NOTCH2: variants seen among roughly 807,000 people sequenced by gnomAD.
NOTCH2 encodes neurogenic locus notch homolog protein 2.
Under a neutral mutation model 235.8 loss-of-function variants are expected in NOTCH2, and 29 were observed. The ratio of observed to expected loss-of-function variants is 0.12; its 90% CI spans 0.09 to 0.17. The LOEUF is 0.17. NOTCH2 is among the 10% of genes least tolerant of loss of function. The pLI, the probability that NOTCH2 is intolerant of heterozygous loss-of-function variation, is 1.00. For synonymous variants in NOTCH2, 1,086 were observed against 1,141.5 expected (o/e 0.95, Z 0.98); for missense variants, 2,285 against 3,150.2 (o/e 0.73, Z 6.57).
chr1:119,927,254 G>A (rs959047758), intron 23 of NOTCH2, among the ~76,000 whole-genome samples: 5 of 152,172 alleles, frequency 3.3e-5, no homozygotes, highest in African/African-American at 1.2e-4. Context: ...GGCACAGCTG[G>A]GACTCCTGGC....
rs587745324 is a variant in NOTCH2 at position 120,067,629 on chromosome 1, G to A, written c.73+1705C>T. On this transcript the variant is annotated intron_variant, in intron 1 of 33. Coordinates refer to ENST00000256646, the MANE Select transcript of NOTCH2 (RefSeq NM_024408.4). Reference sequence around the variant, plus strand: ...AAGTTATTTACCAAAACAAGTTAATGATAGACCAAGGATTATTACCCTCAG... The same window carrying A: ...AAGTTATTTACCAAAACAAGTTAATAATAGACCAAGGATTATTACCCTCAG... Among the ~76,000 whole-genome samples the A allele has an allele frequency of 3.3e-5, 5 of 152,272 alleles. No homozygotes were observed. The East Asian group carries it at 9.6e-4, about 29-fold the overall frequency.
chr1:120,014,113 CT>C (rs1378332138), intron 2 of NOTCH2, among the ~76,000 whole-genome samples: 8 of 151,858 alleles, frequency 5.3e-5, no homozygotes, highest in Admixed American at 2.0e-4. Flanking sequence ...GTGACTTTTA[CT>C]TACTCTCTCT....
chr1:119,925,017 T>C (rs1649422708), intron 25 of NOTCH2, among the ~76,000 whole-genome samples: 1 of 152,192 alleles, frequency 6.6e-6, no homozygotes, highest in South Asian at 2.1e-4. Flanking sequence ...GAGAGGCTGC[T>C]TGAAGTGGGA....
At chr1:120,006,780 C>T (rs1652993900) in intron 2 of NOTCH2, among the ~76,000 whole-genome samples, 1 of 152,092 alleles carries the variant, frequency 6.6e-6, no homozygotes, top group Non-Finnish European at 1.5e-5. Context: ...TGTGCCCAAG[C>T]CTTGTTGTCC....
intron 2 of NOTCH2, among the ~76,000 whole-genome samples, chr1:120,017,307 T>C (rs1259087256): frequency 6.7e-6 from 1 of 150,138 alleles, no homozygotes; most frequent in African/African-American, 2.5e-5. Flanking sequence ...TTCTCATGGC[T>C]AAGCCCTAAA....
chr1:120,011,913 G>A (rs2101263121), intron 2 of NOTCH2, among the ~76,000 whole-genome samples: 1 of 150,168 alleles, frequency 6.7e-6, no homozygotes, highest in East Asian at 1.9e-4. Flanking sequence ...CTACTCGGGA[G>A]GCTGAGGCAG....
chr1:119,918,286 T>C, intron 32 of NOTCH2, 120 bp downstream of exon 32: 1 of 1,098,450 alleles, frequency 9.1e-7, no homozygotes, highest in Non-Finnish European at 1.4e-6. Flanking sequence ...AATGAAAGAA[T>C]GAGTGAATCT....
chr1:119,946,413 T>C (rs1452904955), intron 17 of NOTCH2, among the ~76,000 whole-genome samples: 2 of 152,066 alleles, frequency 1.3e-5, no homozygotes, highest in Non-Finnish European at 2.9e-5. Flanking sequence ...AACAACATTT[T>C]GGCAAATCAA....
chr1:120,029,104 C>T (rs1174347728), intron 2 of NOTCH2, among the ~76,000 whole-genome samples: 1 of 140,680 alleles, frequency 7.1e-6, no homozygotes, highest in Non-Finnish European at 1.6e-5. Context: ...ACCCAAAGCC[C>T]CTGCTCCCCC....
chr1:119,935,095 A>G lies in NOTCH2; in HGVS notation c.3655+377T>C. On this transcript the variant is annotated intron_variant, in intron 22 of 33. Coordinates refer to ENST00000256646, the MANE Select transcript of NOTCH2 (RefSeq NM_024408.4). ...TATAGAGGTAAGACTTGGCTAATTAAAAAAATACAAAAGCAGGTAAATGTA... is the reference window on the plus strand; with the variant it reads ...TATAGAGGTAAGACTTGGCTAATTAGAAAAATACAAAAGCAGGTAAATGTA... 3 of 984,936 alleles carry G rather than the reference A, an allele frequency of 3.0e-6. No homozygotes were observed. The South Asian group carries it at 1.4e-4, about 46-fold the overall frequency. The allele number at this position is 984,936 out of a possible 1,614,324, so 61.0% of individuals were successfully genotyped here.
In NOTCH2 at chr1:119,968,153, A is replaced by G. The variant is rs1553199936; in HGVS notation, c.1188T>C (p.Asn396=). The G allele has an allele frequency of 2.5e-6, 4 of 1,614,072 alleles. No individual in the cohort carries two copies. In the South Asian group the frequency reaches 4.4e-5, roughly 18 times the overall value. Residue 396 remains asparagine (N), a synonymous_variant, in exon 7 of 34, where the codon AAT becomes AAC. Coordinates refer to ENST00000256646, the MANE Select transcript of NOTCH2 (RefSeq NM_024408.4). ...KGALCDTNPL[N]GQYICTCPQG... is the part of the protein sequence containing the mutation. ...GTGGGCAGGTGCAAATATATTGCCCATTTAGGGGGTTGGTGTCACACAGTG... is the reference window on the plus strand; with the variant it reads ...GTGGGCAGGTGCAAATATATTGCCCGTTTAGGGGGTTGGTGTCACACAGTG...
chr1:120,030,240 C>T (rs1274832107), intron 1 of NOTCH2, among the ~76,000 whole-genome samples: 1 of 152,070 alleles, frequency 6.6e-6, no homozygotes. Context: ...CCAGCTGTTA[C>T]ATCTCCATCT....
chr1:119,972,661 T>C (rs17258599), intron 5 of NOTCH2, among the ~76,000 whole-genome samples: 8,432 of 152,308 alleles, frequency 0.055, 305 homozygotes, highest in South Asian at 0.17. Flanking sequence ...AGCCATTGAC[T>C]GCCTACTGAG....
At chr1:119,953,758 G>A in intron 13 of NOTCH2, 70 bp from the exon 14 acceptor site, 1 of 1,369,776 alleles carries the variant, frequency 7.3e-7, no homozygotes, top group Admixed American at 1.7e-5. Context: ...TGAAATACAG[G>A]ACTTGGTGAA....
chr1:119,924,094 C>A, intron 25 of NOTCH2, 110 bp from the exon 26 acceptor site: 1 of 937,330 alleles, frequency 1.1e-6, no homozygotes, highest in Non-Finnish European at 1.7e-6. Flanking sequence ...TTCTGTGGCC[C>A]ACACCCAGGA....
chr1:119,975,970 G>A (rs1413810692), intron 5 of NOTCH2, among the ~76,000 whole-genome samples: 1 of 152,184 alleles, frequency 6.6e-6, no homozygotes, highest in East Asian at 1.9e-4. Flanking sequence ...AAAAAAGTAA[G>A]GTGCTGAGCC....
At chr1:119,941,488 C>T (rs1650061967) in intron 18 of NOTCH2, 38 bp downstream of exon 18, 1 of 1,448,368 alleles carries the variant, frequency 6.9e-7, no homozygotes, top group South Asian at 1.1e-5. Flanking sequence ...CTCCCTTTCT[C>T]TCGTAAGATG....
chr1:120,064,816 G>A (rs1456745623), intron 1 of NOTCH2, among the ~76,000 whole-genome samples: 1 of 147,054 alleles, frequency 6.8e-6, no homozygotes, highest in Non-Finnish European at 1.5e-5. Flanking sequence ...GTACAAGTTT[G>A]CAATATCCAA....
At chr1:119,940,840 TC>T in intron 18 of NOTCH2, 84 bp from the exon 19 acceptor site, 1 of 1,263,460 alleles carries the variant, frequency 7.9e-7, no homozygotes, top group Non-Finnish European at 1.1e-6. Context: ...GAATCTAAGA[TC>T]ATACAGAGGC....
Sources: gnomAD v4.1 joint callset for allele counts (sites outside exome capture counted in the v4.1 genomes callset) on GRCh38, gnomAD v4.1.1 for gene constraint, MANE v1.5 for transcripts, NCBI Gene and HGNC (gene_info 2026-07-23, HGNC 2026-07-21) for gene names.